GSN: variants seen among roughly 807,000 people sequenced by gnomAD.
The protein encoded by GSN is actin-depolymerizing factor.
GSN carries 56 observed loss-of-function variants against 85.7 expected under a neutral mutation model. The ratio of observed to expected loss-of-function variants is 0.65; its 90% CI spans 0.53 to 0.82. The LOEUF is 0.82. Ranked by LOEUF, GSN falls within the 40% of genes least tolerant of loss-of-function variation. The probability of loss-of-function intolerance (pLI) is 0.00; values close to 1 mark genes in which losing one functional copy is unlikely to be tolerated. For synonymous variants in GSN, 373 were observed against 399.1 expected, an observed-to-expected ratio of 0.93 and a Z score of 0.78; for missense variants, 857 against 979.8, an observed-to-expected ratio of 0.87 and a Z score of 1.67.
At chr9:121,220,043 G>A (rs1040337435) in intron 4 of GSN, among the ~76,000 whole-genome samples, 7 of 152,154 alleles carry the variant, frequency 4.6e-5, no homozygotes, top group Non-Finnish European at 1.0e-4. Context: ...CACTGCGCCT[G>A]GCTAATTTTT....
intron 1 of GSN, chr9:121,280,841 T>C (rs146043457): frequency 6.6e-6 from 1 of 152,338 alleles, no homozygotes; most frequent in African/African-American, 2.4e-5. Context: ...AGCTCTGAAG[T>C]TGACTGTAAA....
intron 1 of GSN, among the ~76,000 whole-genome samples, chr9:121,276,581 CTT>C (rs1401517894): frequency 6.6e-6 from 1 of 152,222 alleles, no homozygotes; most frequent in Non-Finnish European, 1.5e-5. Context: ...CAAACCATGA[CTT>C]TTATAGCAGG....
At position 121,313,927 on chromosome 9, in the gene GSN, C is replaced by T. The variant is rs1415031577; in HGVS notation, c.664-7C>T. ...ACCCTTCCTCTCCATCTCTCTATCTCCTACAGGTGCTGGGCCCCAAGCCGG... is the reference window on the plus strand; with the variant it reads ...ACCCTTCCTCTCCATCTCTCTATCTTCTACAGGTGCTGGGCCCCAAGCCGG... On this transcript the variant is annotated splice_polypyrimidine_tract_variant and splice_region_variant and intron_variant, in intron 6 of 17. Transcript: ENST00000432226. 1.9e-6 allele frequency: 3 copies of T among 1,610,894 alleles called. No individual in the cohort carries two copies. The highest frequency in any genetic ancestry group is 2.5e-6 in the Non-Finnish European group (3 of 1,176,976).
intron 4 of GSN, among the ~76,000 whole-genome samples, chr9:121,227,286 A>G (rs992429107): frequency 1.3e-5 from 2 of 151,896 alleles, no homozygotes; most frequent in African/African-American, 4.8e-5. Context: ...CCCAGCTACT[A>G]AGGAGGCTGA....
chr9:121,281,846 A>T (rs1453938715), intron 2 of GSN: 1 of 471,018 alleles, frequency 2.1e-6, no homozygotes. Flanking sequence ...TTGCTATGTG[A>T]CTTTAGGAGA....
At chr9:121,233,734 G>C (rs1285234453) in intron 5 of GSN, among the ~76,000 whole-genome samples, 5 of 152,156 alleles carry the variant, frequency 3.3e-5, no homozygotes, top group African/African-American at 2.4e-5. Context: ...GTGGTTTGTT[G>C]TACAGCAACA....
intron 6 of GSN, chr9:121,313,658 A>G (rs1484729146): frequency 3.8e-6 from 2 of 520,308 alleles, no homozygotes; most frequent in Non-Finnish European, 7.0e-6. Flanking sequence ...AGTTATCACA[A>G]TTAGCCGGTA....
intron 13 of GSN, chr9:121,326,905 C>A: frequency 1.4e-6 from 1 of 710,726 alleles, no homozygotes; most frequent in Admixed American, 2.0e-5. Flanking sequence ...CAGTGGACAG[C>A]TCACTACCTA....
chr9:121,327,906 G>A (rs2063424356), intron 14 of GSN, among the ~76,000 whole-genome samples: 1 of 149,578 alleles, frequency 6.7e-6, no homozygotes, highest in Non-Finnish European at 1.5e-5. Flanking sequence ...CCCGAGAGTT[G>A]GAGGTTGCGG....
At chr9:121,219,879 CT>C (rs994700891) in intron 4 of GSN, among the ~76,000 whole-genome samples, 18 of 151,464 alleles carry the variant, frequency 1.2e-4, no homozygotes, top group African/African-American at 4.4e-4. Context: ...TTTCTTTTTT[CT>C]TTTCTTTTTT....
chr9:121,280,807 T>A (rs192107767), intron 1 of GSN: 2 of 152,180 alleles, frequency 1.3e-5, no homozygotes, highest in African/African-American at 4.8e-5. Flanking sequence ...GCCCAGTTTA[T>A]ATAACTTCAG....
At chr9:121,278,401 C>T (rs1488054986) in intron 1 of GSN, among the ~76,000 whole-genome samples, 1 of 152,196 alleles carries the variant, frequency 6.6e-6, no homozygotes, top group Non-Finnish European at 1.5e-5. Flanking sequence ...AAGGCCCTCC[C>T]AATGAACTGG....
intron 6 of GSN, among the ~76,000 whole-genome samples, chr9:121,258,941 A>G (rs1268531132): frequency 6.6e-6 from 1 of 152,192 alleles, no homozygotes; most frequent in Non-Finnish European, 1.5e-5. Flanking sequence ...TAGTCTCCTA[A>G]TGTATACCAA....
In GSN at chr9:121,302,102, A is replaced by G. The variant is rs1399829665; in HGVS notation, c.131A>G (p.Tyr44Cys). ...GGAGACTTCTTCACGGGCGACGCCT[A>G]CGTCATCCTGAAGACAGTGCAGCTG... Reference protein sequence around the residue: ...LYGDFFTGDAYVILKTVQLRN... With the variant: ...LYGDFFTGDACVILKTVQLRN... Residue 44 changes from tyrosine to cysteine, a missense_variant, in exon 3 of 18, where the codon TAC becomes TGC. By Grantham distance (194) the Tyr-to-Cys change is radical. Coordinates refer to ENST00000432226, the MANE Select transcript of GSN (RefSeq NM_198252.3). 10 of 1,614,208 alleles carry G rather than the reference A, an allele frequency of 6.2e-6. No individual in the cohort carries two copies. Among genetic ancestry groups the G allele is most frequent in the East Asian group, 2.2e-5 (1 of 44,886 alleles).
chr9:121,284,753 C>T (rs2057856851), intron 2 of GSN: 1 of 167,132 alleles, frequency 6.0e-6, no homozygotes, highest in African/African-American at 2.4e-5. Context: ...GAGCCATGGA[C>T]AGGTCCTCAG....
intron 5 of GSN, chr9:121,238,105 A>C (rs953933224): frequency 1.3e-5 from 2 of 152,340 alleles, no homozygotes; most frequent in African/African-American, 4.8e-5. Flanking sequence ...AGCAGTGATG[A>C]AACAGCAGCC....
In GSN at chr9:121,250,871, G is replaced by GT. The variant is rs2054811442; in HGVS notation, c.-341+2548_-341+2549insT. Among the ~76,000 whole-genome samples, 5 of 102,340 alleles carry GT rather than the reference G, an allele frequency of 4.9e-5. No individual in the cohort carries two copies. The Admixed American group carries it at 5.9e-4, about 12-fold the overall frequency. The allele number at this position is 102,340 out of a possible 152,430, so 67.1% of individuals were successfully genotyped here. A position where few individuals can be genotyped will look rare whatever the true frequency, so the allele number is the denominator to read the frequency against. The stretch of plus-strand genomic sequence containing the variant: ...CTTTTTTGCTTATCATGCCTGCTTG[G>GT]GGTGTGTGTGTGTGTGTGTGTGTGT... On this transcript the variant is annotated intron_variant, in intron 6 of 24. Coordinates refer to the GSN transcript ENST00000373823.
chr9:121,256,517 A>T (rs1045849810), intron 6 of GSN, among the ~76,000 whole-genome samples: 3 of 151,978 alleles, frequency 2.0e-5, no homozygotes, highest in African/African-American at 7.3e-5. Context: ...GTGGCTGGGG[A>T]GGGTAAGGAG....
Position 121,321,340 on chromosome 9 carries a change from A to G in GSN, c.1264A>G (p.Ser422Gly). 4.3e-6 allele frequency: 7 copies of G among 1,614,046 alleles called. No individual in the cohort carries two copies. The highest frequency in any genetic ancestry group is 5.9e-6 in the Non-Finnish European group (7 of 1,179,900). The change falls in exon 11 of 18, where the codon AGC becomes GGC. Residue 422 changes from serine to glycine, a missense_variant. By Grantham distance (56) the Ser-to-Gly change is moderately conservative. Coordinates refer to ENST00000432226, the MANE Select transcript of GSN (RefSeq NM_198252.3). ...ATATGGACAGTTCTATGGAGGCGAC[A>G]GCTACATCATTCTGTACAACTACCG... is the stretch of plus-strand genomic sequence containing the variant. ...ATYGQFYGGD[S>G]YIILYNYRHG...
Sources: gnomAD v4.1 joint callset for allele counts (sites outside exome capture counted in the v4.1 genomes callset) on GRCh38, gnomAD v4.1.1 for gene constraint, MANE v1.5 for transcripts, NCBI Gene and HGNC (gene_info 2026-07-23, HGNC 2026-07-21) for gene names.